Variants in FBXO34 observed in about 807,000 individuals in gnomAD.
FBXO34 encodes F-box protein 34, also known as F-box only protein 34.
A neutral mutation model predicts 24.5 loss-of-function variants in FBXO34; 12 were observed. The observed-to-expected ratio is 0.49, with a 90% CI of 0.31 to 0.79. The LOEUF (loss-of-function observed/expected upper bound fraction) is 0.79, where lower values mean the gene tolerates loss of function less well. Ranked by LOEUF, FBXO34 falls within the 30% of genes least tolerant of loss-of-function variation. The pLI, the probability that FBXO34 is intolerant of heterozygous loss-of-function variation, is 0.04. For synonymous variants in FBXO34, 320 were observed against 311.9 expected (o/e 1.03, Z -0.27); for missense variants, 823 against 857.7 (o/e 0.96, Z 0.51).
intron 1 of FBXO34, among the ~76,000 whole-genome samples, chr14:55,275,863 TA>T (rs1162829809): frequency 6.9e-6 from 1 of 145,494 alleles, no homozygotes; most frequent in African/African-American, 2.5e-5. Flanking sequence ...TATGTTATGC[TA>T]GATTGGCCAG....
intron 1 of FBXO34, among the ~76,000 whole-genome samples, chr14:55,337,963 T>C (rs746820969): frequency 6.6e-6 from 1 of 152,032 alleles, no homozygotes; most frequent in East Asian, 1.9e-4. Flanking sequence ...CTCTATGATA[T>C]GCTTCCTGTG....
downstream of FBXO34, chr14:55,369,905 C>A (rs761765075): frequency 1.2e-6 from 2 of 1,611,558 alleles, no homozygotes; most frequent in Non-Finnish European, 8.5e-7. Flanking sequence ...AAGGTCTGCT[C>A]GTACTTCAAA....
At chr14:55,423,380 CG>C in the FBXO34 span, among the ~76,000 whole-genome samples, 1 of 152,178 alleles carries the variant, frequency 6.6e-6, no homozygotes, top group East Asian at 1.9e-4. Context: ...TAGCCTTAAA[CG>C]AAAGTCCCAT....
intron 1 of FBXO34, among the ~76,000 whole-genome samples, chr14:55,277,924 A>G (rs72715749): frequency 0.011 from 1,705 of 152,204 alleles, 15 homozygotes; most frequent in Middle Eastern, 0.027. Context: ...TATTGAGAGA[A>G]AGATATGTAA....
At chr14:55,440,324 G>T in the FBXO34 span, 1 of 1,569,266 alleles carries the variant, frequency 6.4e-7, no homozygotes, top group Non-Finnish European at 8.7e-7. Flanking sequence ...TAAGAGGAAC[G>T]AAGGCAAAGC....
the FBXO34 span, among the ~76,000 whole-genome samples, chr14:55,442,926 T>C: frequency 1.3e-5 from 2 of 152,084 alleles, no homozygotes; most frequent in East Asian, 1.9e-4. Flanking sequence ...GAGGATGCAG[T>C]GAGAAGGCAG....
chr14:55,411,895 G>C, the FBXO34 span: 2 of 1,373,730 alleles, frequency 1.5e-6, no homozygotes, highest in African/African-American at 1.4e-5. Flanking sequence ...AGGAGGAGGG[G>C]CCTGGGGAAG....
downstream of FBXO34, chr14:55,366,483 A>G (rs1269007333): frequency 1.3e-5 from 2 of 152,642 alleles, no homozygotes; most frequent in African/African-American, 4.8e-5. Flanking sequence ...GCAATGGGGA[A>G]TTCCTGCAAC....
chr14:55,272,062 T>C (rs1479519277), intron 1 of FBXO34: 1 of 152,248 alleles, frequency 6.6e-6, no homozygotes, highest in Non-Finnish European at 1.5e-5. Context: ...GCCTCTGGGC[T>C]GGCGCAAGTC....
In FBXO34 at chr14:55,323,248, T is replaced by TTTTTA. The variant is rs1480368099; in HGVS notation, c.-10-27133_-10-27132insTTTTA. On this transcript the variant is annotated intron_variant, in intron 1 of 1. Coordinates refer to ENST00000313833, the MANE Select transcript of FBXO34 (RefSeq NM_017943.4). Reference sequence around the variant, plus strand: ...ATATTTTTTTTTTTTTTTTTTTTTTTAGAGACAGAGTCTCACTTATGTTGC... The same window carrying TTTTTA: ...ATATTTTTTTTTTTTTTTTTTTTTTTTTTTAAGAGACAGAGTCTCACTTATGTTGC... Among the ~76,000 whole-genome samples the TTTTTA allele has an allele frequency of 5.7e-5, 5 of 87,784 alleles. 1 individual carries two copies. Among genetic ancestry groups the TTTTTA allele is most frequent in the African/African-American group, 3.0e-4 (4 of 13,366 alleles). 57.6% of individuals were successfully genotyped at this position (87,784 alleles called of 152,430 possible).
At chr14:55,318,424 T>C (rs1190961344) in intron 1 of FBXO34, among the ~76,000 whole-genome samples, 1 of 25,498 alleles carries the variant, frequency 3.9e-5, no homozygotes, top group Non-Finnish European at 6.1e-5. Flanking sequence ...AGTCAGTAAC[T>C]TTTTTTTTTT....
chr14:55,440,099 A>G, the FBXO34 span, among the ~76,000 whole-genome samples: 3 of 139,064 alleles, frequency 2.2e-5, no homozygotes, highest in African/African-American at 3.2e-5. Flanking sequence ...CTCAGAGAAA[A>G]ATCAATCAAT....
At chr14:55,284,396 C>A (rs1393871990) in intron 1 of FBXO34, among the ~76,000 whole-genome samples, 1 of 151,258 alleles carries the variant, frequency 6.6e-6, no homozygotes, top group Non-Finnish European at 1.5e-5. Context: ...GTCTGTAATC[C>A]CAGCTACTCG....
At chr14:55,395,195 T>A in the FBXO34 span, 1 of 421,254 alleles carries the variant, frequency 2.4e-6, no homozygotes, top group Admixed American at 2.7e-5. Flanking sequence ...GCTCTTCCTC[T>A]GTGGCCCATT....
At chr14:55,365,581 C>T (rs188047132), downstream of FBXO34, among the ~76,000 whole-genome samples, 288 of 152,224 alleles carry the variant, frequency 1.9e-3, 1 homozygote, top group Non-Finnish European at 3.3e-3. Flanking sequence ...TCCTTAATTC[C>T]TCCCAATCTG....
At chr14:55,350,327 T>G in intron 1 of FBXO34, 54 bp from the exon 2 acceptor site, 1 of 1,369,688 alleles carries the variant, frequency 7.3e-7, no homozygotes, top group East Asian at 2.5e-5. Flanking sequence ...TAAAAACATT[T>G]TTTTCTAAAA....
At chr14:55,369,693 T>C (rs1448024799), downstream of FBXO34, 9 of 1,603,798 alleles carry the variant, frequency 5.6e-6, no homozygotes, top group Middle Eastern at 1.7e-4. Flanking sequence ...CCACCTGCAC[T>C]GCTGCTCGCG....
downstream of FBXO34, chr14:55,354,959 G>C (rs1265553646): frequency 6.6e-6 from 1 of 152,004 alleles, no homozygotes; most frequent in African/African-American, 2.4e-5. Flanking sequence ...TCTCCCCACT[G>C]CACCCCTGCC....
chr14:55,433,390 C>T, the FBXO34 span, among the ~76,000 whole-genome samples: 4 of 147,314 alleles, frequency 2.7e-5, no homozygotes, highest in East Asian at 8.0e-4. Context: ...TGGGCTCAAG[C>T]GATCCTCCTG....
Sources: allele counts gnomAD v4.1 joint callset (sites outside exome capture counted in the v4.1 genomes callset), GRCh38; gene constraint gnomAD v4.1.1; transcripts MANE v1.5; gene names NCBI Gene and HGNC (gene_info 2026-07-23, HGNC 2026-07-21).